THEMIS: variants seen among roughly 807,000 people sequenced by gnomAD.
THEMIS encodes the protein protein THEMIS.
A neutral mutation model predicts 52.6 loss-of-function variants in THEMIS; 37 were observed. That is an observed-to-expected ratio of 0.70 (90% CI 0.54 to 0.93). THEMIS has a LOEUF of 0.93. Ranked by LOEUF, THEMIS falls within the 40% of genes least tolerant of loss-of-function variation. The pLI is 0.00. For synonymous variants in THEMIS, 292 were observed against 272.7 expected (o/e 1.07, Z -0.70); for missense variants, 808 against 763.1 (o/e 1.06, Z -0.69).
At chr6:127,714,702 T>C (rs1774098085) in intron 5 of THEMIS, among the ~76,000 whole-genome samples, 1 of 151,928 alleles carries the variant, frequency 6.6e-6, no homozygotes, top group South Asian at 2.1e-4. Flanking sequence ...CTTGGGTCTG[T>C]CTCATTGCAA....
intron 1 of THEMIS, among the ~76,000 whole-genome samples, chr6:127,900,622 A>G (rs988554148): frequency 2.0e-5 from 3 of 152,004 alleles, no homozygotes; most frequent in African/African-American, 4.8e-5. Context: ...GCTTCACTCA[A>G]TTCCTTATTT....
At chr6:127,818,916 G>A (rs1010439339) in intron 3 of THEMIS, among the ~76,000 whole-genome samples, 12 of 151,578 alleles carry the variant, frequency 7.9e-5, no homozygotes, top group African/African-American at 2.7e-4. Flanking sequence ...TCAGGAGATC[G>A]AGACCATCCT....
intron 1 of THEMIS, among the ~76,000 whole-genome samples, chr6:127,882,738 A>T (rs1398253889): frequency 6.6e-6 from 1 of 151,972 alleles, no homozygotes; most frequent in Admixed American, 6.6e-5. Context: ...AACTTAAAAA[A>T]AAGCTTTTGT....
At chr6:127,754,258 G>C (rs1320729242) in intron 4 of THEMIS, among the ~76,000 whole-genome samples, 1 of 152,146 alleles carries the variant, frequency 6.6e-6, no homozygotes, top group Non-Finnish European at 1.5e-5. Flanking sequence ...CATGTGTCTA[G>C]GTTTCCAGCC....
intron 1 of THEMIS, among the ~76,000 whole-genome samples, chr6:127,856,698 C>T (rs1043750957): frequency 6.6e-6 from 1 of 151,968 alleles, no homozygotes; most frequent in African/African-American, 2.4e-5. Flanking sequence ...TTCCATAACC[C>T]TCTCCTTGTC....
At chr6:127,710,286 C>G (rs1773931558) in intron 5 of THEMIS, among the ~76,000 whole-genome samples, 1 of 151,920 alleles carries the variant, frequency 6.6e-6, no homozygotes, top group Admixed American at 6.6e-5. Context: ...GGACAAAATG[C>G]TTTTCTTTGC....
intron 1 of THEMIS, among the ~76,000 whole-genome samples, chr6:127,874,328 T>C (rs1780249075): frequency 6.6e-6 from 1 of 152,356 alleles, no homozygotes; most frequent in South Asian, 2.1e-4. Flanking sequence ...ATCTGTTACA[T>C]GTGTTTACCT....
intron 4 of THEMIS, among the ~76,000 whole-genome samples, chr6:127,741,267 G>A (rs1207525671): frequency 1.3e-5 from 2 of 151,808 alleles, no homozygotes; most frequent in Admixed American, 6.6e-5. Flanking sequence ...AACTTTTAAG[G>A]GTCAAATAAT....
intron 1 of THEMIS, among the ~76,000 whole-genome samples, chr6:127,868,063 T>C (rs1408152718): frequency 2.0e-5 from 3 of 152,152 alleles, no homozygotes; most frequent in Non-Finnish European, 2.9e-5. Flanking sequence ...TGACCTCAGG[T>C]AATTACTTCA....
chr6:127,759,384 T>C (rs1166662815), intron 4 of THEMIS, among the ~76,000 whole-genome samples: 1 of 152,194 alleles, frequency 6.6e-6, no homozygotes, highest in African/African-American at 2.4e-5. Flanking sequence ...ACTGGACTCA[T>C]ATAAATTGAA....
chr6:127,769,558 T>C (rs1156905809), intron 4 of THEMIS, among the ~76,000 whole-genome samples: 3 of 152,218 alleles, frequency 2.0e-5, no homozygotes, highest in Non-Finnish European at 2.9e-5. Flanking sequence ...GTCATGCTTG[T>C]TGTTCTGGCT....
intron 4 of THEMIS, among the ~76,000 whole-genome samples, chr6:127,781,026 C>A (rs996565002): frequency 9.2e-5 from 14 of 152,080 alleles, no homozygotes. Context: ...CTTTCAGGTA[C>A]ACCAATCAAA....
At chr6:127,849,420 G>T (rs141171980) in intron 2 of THEMIS, among the ~76,000 whole-genome samples, 8 of 151,722 alleles carry the variant, frequency 5.3e-5, no homozygotes, top group African/African-American at 1.9e-4. Flanking sequence ...CTCTTTTTTG[G>T]TACCATATGA....
intron 2 of THEMIS, among the ~76,000 whole-genome samples, chr6:127,842,408 T>C (rs1779079267): frequency 6.6e-6 from 1 of 152,080 alleles, no homozygotes; most frequent in Non-Finnish European, 1.5e-5. Context: ...GCAGATTTTA[T>C]AAATTTTAGC....
rs1306729948 is a variant in THEMIS at position 127,724,809 on chromosome 6, T to C, written c.1759-4986A>G. On this transcript the variant is annotated intron_variant, in intron 4 of 5. Transcript: ENST00000368248. ...TCTCACAAACAAAGAAAGGAACAAA[T>C]AAATATTACCAAAAAAAGTTAACCA... 2.6e-5 allele frequency among the ~76,000 whole-genome samples: 4 copies of C among 151,912 alleles called. No individual in the cohort carries two copies. The East Asian group carries it at 7.7e-4, about 29-fold the overall frequency.
chr6:127,729,835 T>G (rs1237902283), intron 4 of THEMIS, among the ~76,000 whole-genome samples: 2 of 152,186 alleles, frequency 1.3e-5, no homozygotes, highest in African/African-American at 4.8e-5. Flanking sequence ...GCCACAAAGG[T>G]ATATGGATCC....
intron 3 of THEMIS, among the ~76,000 whole-genome samples, chr6:127,829,032 A>G (rs546186491): frequency 6.8e-4 from 103 of 152,362 alleles, no homozygotes; most frequent in African/African-American, 2.2e-3. Context: ...GGATGGCTGG[A>G]AAAAGAAAAA....
chr6:127,711,693 G>A (rs1165713074), intron 5 of THEMIS, among the ~76,000 whole-genome samples: 2 of 152,038 alleles, frequency 1.3e-5, no homozygotes, highest in Non-Finnish European at 2.9e-5. Context: ...TTTTTAGGCA[G>A]TATGCCCAGA....
At chr6:127,898,515 G>A (rs1003702014) in intron 1 of THEMIS, among the ~76,000 whole-genome samples, 1 of 151,722 alleles carries the variant, frequency 6.6e-6, no homozygotes, top group African/African-American at 2.4e-5. Flanking sequence ...TTGAGAGGAT[G>A]TGGAGAAAAG....
Sources: gnomAD v4.1 joint callset for allele counts (sites outside exome capture counted in the v4.1 genomes callset) on GRCh38, gnomAD v4.1.1 for gene constraint, MANE v1.5 for transcripts, NCBI Gene and HGNC (gene_info 2026-07-23, HGNC 2026-07-21) for gene names.